Variants in UGT8 observed in about 807,000 individuals in gnomAD.
UGT8 encodes UDP glycosyltransferase 8.
A neutral mutation model predicts 40.5 loss-of-function variants in UGT8; 12 were observed. The observed-to-expected ratio is 0.30, with a 90% CI of 0.19 to 0.48. The LOEUF (loss-of-function observed/expected upper bound fraction) is 0.48, where lower values mean the gene tolerates loss of function less well. Ranked by LOEUF, UGT8 falls within the 20% of genes least tolerant of loss-of-function variation. The pLI is 0.99. For synonymous variants in UGT8, 224 were observed against 240.4 expected, an observed-to-expected ratio of 0.93 and a Z score of 0.63; for missense variants, 513 against 648.7, an observed-to-expected ratio of 0.79 and a Z score of 2.27.
rs774647733 is a variant in UGT8 at position 114,676,244 on chromosome 4, T to C, written c.1582T>C (p.Tyr528His). ...CCACAATGGAATCCTCAATGGCAAG[T>C]ACAAAAGAAATGGCCATATTAAACA... ...HYHNGILNGK[Y>H]KRNGHIKHEK... is the part of the protein sequence containing the mutation. Residue 528 changes from tyrosine to histidine, a missense_variant, in exon 6 of 6, where the codon TAC becomes CAC. By Grantham distance (83) the Tyr-to-His change is moderately conservative (BLOSUM62 2). Coordinates refer to ENST00000310836, the MANE Select transcript of UGT8 (RefSeq NM_001128174.3). 75 of 1,607,224 alleles carry C rather than the reference T, an allele frequency of 4.7e-5. No homozygotes were observed. The highest frequency in any genetic ancestry group is 5.9e-5 in the Non-Finnish European group (69 of 1,176,696).
intron 1 of UGT8, among the ~76,000 whole-genome samples, chr4:114,606,391 C>A (rs1485490912): frequency 6.6e-6 from 1 of 152,128 alleles, no homozygotes; most frequent in East Asian, 1.9e-4. Context: ...CTAGGGGCTC[C>A]ACAGCAGGCC....
intron 2 of UGT8, among the ~76,000 whole-genome samples, chr4:114,654,987 C>T (rs1328007964): frequency 6.6e-6 from 1 of 151,932 alleles, no homozygotes; most frequent in Non-Finnish European, 1.5e-5. Context: ...TCAAGTATGA[C>T]TGATAACTTA....
chr4:114,616,691 T>A (rs1446772692), intron 1 of UGT8, among the ~76,000 whole-genome samples: 2 of 152,208 alleles, frequency 1.3e-5, no homozygotes, highest in Non-Finnish European at 2.9e-5. Flanking sequence ...TCTGCGTCAC[T>A]CATGCTGGGA....
chr4:114,667,670 A>T (rs948286689), intron 4 of UGT8: 4 of 167,416 alleles, frequency 2.4e-5, no homozygotes, highest in African/African-American at 9.6e-5. Context: ...CCTTTTTTAC[A>T]TTTTTTTTAA....
intron 2 of UGT8, among the ~76,000 whole-genome samples, chr4:114,638,004 C>T (rs1467429489): frequency 6.6e-6 from 1 of 152,134 alleles, no homozygotes; most frequent in African/African-American, 2.4e-5. Context: ...TATTTTAAAC[C>T]TCTGGCAGAT....
intron 2 of UGT8, among the ~76,000 whole-genome samples, chr4:114,645,599 A>G (rs933933120): frequency 6.6e-5 from 10 of 152,186 alleles, no homozygotes; most frequent in South Asian, 2.1e-4. Context: ...AATATTTTAT[A>G]CAAGATGAAA....
At chr4:114,612,966 T>A (rs116678217) in intron 1 of UGT8, among the ~76,000 whole-genome samples, 1,937 of 152,300 alleles carry the variant, frequency 0.013, 30 homozygotes, top group African/African-American at 0.035. Flanking sequence ...AAGATATCAA[T>A]CTCATTAAAC....
At chr4:114,644,934 A>G (rs73849513) in intron 2 of UGT8, among the ~76,000 whole-genome samples, 5,000 of 152,138 alleles carry the variant, frequency 0.033, 259 homozygotes, top group African/African-American at 0.11. Context: ...TAATATTCCT[A>G]ATCTGGTTAT....
chr4:114,675,490 C>T lies in UGT8; in HGVS notation c.1263-435C>T, dbSNP rs181060500. The stretch of plus-strand genomic sequence containing the variant: ...GCGCGGTGGCTCACGCCTGTAATCC[C>T]AGCACTTTGGGAGGCCGAGGCAGGC... On this transcript the variant is annotated intron_variant, in intron 5 of 5. Transcript: ENST00000310836. Among the ~76,000 whole-genome samples the T allele has an allele frequency of 7.2e-3, 1,095 of 152,074 alleles. 15 individuals carry two copies. The highest frequency in any genetic ancestry group is 0.024 in the African/African-American group (1,014 of 41,494).
intron 5 of UGT8, among the ~76,000 whole-genome samples, chr4:114,674,057 A>G (rs1333062034): frequency 6.6e-6 from 1 of 152,102 alleles, no homozygotes; most frequent in African/African-American, 2.4e-5. Context: ...CTGCCTCTCA[A>G]TTTTTTTGCA....
At chr4:114,625,532 A>AG (rs1383901330) in intron 2 of UGT8, among the ~76,000 whole-genome samples, 4 of 151,224 alleles carry the variant, frequency 2.6e-5, no homozygotes, top group Non-Finnish European at 5.9e-5. Context: ...AAAAAAAAAA[A>AG]AAGGAATGTC....
intron 2 of UGT8, among the ~76,000 whole-genome samples, chr4:114,644,906 A>T (rs919287919): frequency 1.9e-4 from 29 of 152,142 alleles, no homozygotes; most frequent in African/African-American, 7.0e-4. Flanking sequence ...GTAGTTATAC[A>T]TTCAAATCTT....
At chr4:114,660,320 G>A (rs1291789874) in intron 2 of UGT8, among the ~76,000 whole-genome samples, 4 of 152,098 alleles carry the variant, frequency 2.6e-5, no homozygotes, top group South Asian at 2.1e-4. Flanking sequence ...TATCGACAGA[G>A]TCGATATAGA....
At chr4:114,621,073 C>T (rs1731756142) in intron 1 of UGT8, among the ~76,000 whole-genome samples, 1 of 152,034 alleles carries the variant, frequency 6.6e-6, no homozygotes, top group South Asian at 2.1e-4. Flanking sequence ...GGTGTATTTG[C>T]ACACTATATG....
At chr4:114,663,745 A>G (rs904813696) in intron 2 of UGT8, 2 of 985,146 alleles carry the variant, frequency 2.0e-6, no homozygotes. Context: ...GCCTTTAGCA[A>G]CTGATTTTTT....
intron 2 of UGT8, among the ~76,000 whole-genome samples, chr4:114,663,382 G>T (rs1253934768): frequency 6.6e-6 from 1 of 152,010 alleles, no homozygotes; most frequent in East Asian, 1.9e-4. Flanking sequence ...TCTTACAGTG[G>T]AATTAATGTG....
At chr4:114,616,766 A>G (rs1015064564) in intron 1 of UGT8, among the ~76,000 whole-genome samples, 5 of 152,156 alleles carry the variant, frequency 3.3e-5, no homozygotes, top group Non-Finnish European at 7.4e-5. Flanking sequence ...AAACTCTGGT[A>G]TTTTAGCTTT....
intron 5 of UGT8, among the ~76,000 whole-genome samples, chr4:114,671,912 G>C (rs950434281): frequency 7.2e-5 from 11 of 152,114 alleles, no homozygotes. Context: ...GAAAATTTTT[G>C]CAATCTACCC....
At chr4:114,656,112 G>A (rs1178090078) in intron 2 of UGT8, among the ~76,000 whole-genome samples, 2 of 152,070 alleles carry the variant, frequency 1.3e-5, no homozygotes, top group African/African-American at 4.8e-5. Context: ...TATTGATGAT[G>A]TCCACTTTAA....
Sources: gnomAD v4.1 joint callset for allele counts (sites outside exome capture counted in the v4.1 genomes callset) on GRCh38, gnomAD v4.1.1 for gene constraint, MANE v1.5 for transcripts, NCBI Gene and HGNC (gene_info 2026-07-23, HGNC 2026-07-21) for gene names.